ZEB1: variants seen among roughly 807,000 people sequenced by gnomAD.
ZEB1 encodes zinc finger E-box-binding homeobox 1.
In ZEB1, 21 loss-of-function variants were observed where a neutral mutation model predicts 84.9. That is an observed-to-expected ratio of 0.25 (90% CI 0.18 to 0.36). The LOEUF (loss-of-function observed/expected upper bound fraction) is 0.36, where lower values mean the gene tolerates loss of function less well. ZEB1 is among the 10% of genes least tolerant of loss of function. The pLI, the probability that ZEB1 is intolerant of heterozygous loss-of-function variation, is 1.00. For missense variants in ZEB1, 1,104 were observed against 1,330.2 expected (o/e 0.83, Z 2.65); for synonymous variants, 420 against 471.1 (o/e 0.89, Z 1.41).
At chr10:31,321,731 T>C in intron 1 of ZEB1, 1 of 714,460 alleles carries the variant, frequency 1.4e-6, no homozygotes. Flanking sequence ...GTGATATGAA[T>C]ATTACACTCG....
At chr10:31,323,627 A>C (rs2034685594) in intron 1 of ZEB1, among the ~76,000 whole-genome samples, 1 of 151,792 alleles carries the variant, frequency 6.6e-6, no homozygotes, top group Non-Finnish European at 1.5e-5. Flanking sequence ...ATGCAGTAAA[A>C]CTCTGTAGTT....
At chr10:31,319,794 A>G (rs1342595905) in intron 1 of ZEB1, 1 of 149,516 alleles carries the variant, frequency 6.7e-6, no homozygotes, top group Admixed American at 6.6e-5. Context: ...CCCGGCGCTG[A>G]CCGTGCAAAG....
At chr10:31,404,283 G>A (rs555612140) in intron 1 of ZEB1, among the ~76,000 whole-genome samples, 5 of 149,294 alleles carry the variant, frequency 3.3e-5, no homozygotes, top group African/African-American at 1.2e-4. Flanking sequence ...GTTTCTAAAA[G>A]AATAAATGAA....
At chr10:31,402,094 G>T (rs903876682) in intron 1 of ZEB1, among the ~76,000 whole-genome samples, 7 of 150,802 alleles carry the variant, frequency 4.6e-5, no homozygotes, top group South Asian at 2.1e-4. Flanking sequence ...TCAGTATTTT[G>T]TTGTTGTTGT....
chr10:31,517,395 T>C (rs1188015015), intron 6 of ZEB1, among the ~76,000 whole-genome samples: 7 of 152,020 alleles, frequency 4.6e-5, no homozygotes, highest in Non-Finnish European at 1.5e-5. Context: ...AAAGAACACC[T>C]GCATATGGCT....
At chr10:31,432,535 G>A (rs1402526315) in intron 1 of ZEB1, among the ~76,000 whole-genome samples, 1 of 152,178 alleles carries the variant, frequency 6.6e-6, no homozygotes, top group Non-Finnish European at 1.5e-5. Flanking sequence ...GCTGCAATGA[G>A]CTGTGATCAT....
chr10:31,460,567 C>T (rs2137429573), intron 1 of ZEB1, among the ~76,000 whole-genome samples: 1 of 152,040 alleles, frequency 6.6e-6, no homozygotes. Flanking sequence ...GCTGTAGGCT[C>T]GTTATCATTG....
At chr10:31,441,046 G>GA (rs1273731611) in intron 1 of ZEB1, among the ~76,000 whole-genome samples, 1 of 151,868 alleles carries the variant, frequency 6.6e-6, no homozygotes, top group Non-Finnish European at 1.5e-5. Flanking sequence ...CACAGAATTG[G>GA]AAAAAACTAC....
At chr10:31,448,190 T>C (rs1241010754) in intron 1 of ZEB1, among the ~76,000 whole-genome samples, 1 of 139,598 alleles carries the variant, frequency 7.2e-6, no homozygotes, top group Non-Finnish European at 1.5e-5. Context: ...TACCCTTTCT[T>C]CCAGTTGATC....
intron 1 of ZEB1, among the ~76,000 whole-genome samples, chr10:31,394,743 C>A (rs1042849643): frequency 1.3e-5 from 2 of 152,200 alleles, no homozygotes. Flanking sequence ...CCGTCATATG[C>A]ATGTACTACA....
At chr10:31,357,982 G>A (rs1194250932) in intron 1 of ZEB1, among the ~76,000 whole-genome samples, 1 of 152,104 alleles carries the variant, frequency 6.6e-6, no homozygotes. Context: ...GTTCTCATGG[G>A]CAATATAGGT....
intron 1 of ZEB1, among the ~76,000 whole-genome samples, chr10:31,445,350 G>T: frequency 6.7e-6 from 1 of 149,632 alleles, no homozygotes; most frequent in Non-Finnish European, 1.5e-5. Flanking sequence ...ATACAATCAT[G>T]TTGTCTGCAA....
intron 1 of ZEB1, among the ~76,000 whole-genome samples, chr10:31,337,309 G>A (rs2038331029): frequency 6.6e-6 from 1 of 151,994 alleles, no homozygotes; most frequent in African/African-American, 2.4e-5. Flanking sequence ...TTAGGAATGA[G>A]TGAATTTGGA....
chr10:31,420,310 C>T (rs1223029560), intron 1 of ZEB1, among the ~76,000 whole-genome samples: 1 of 152,140 alleles, frequency 6.6e-6, no homozygotes, highest in Non-Finnish European at 1.5e-5. Flanking sequence ...TTAGCTGGCT[C>T]CTCTGCTTAA....
chr10:31,474,918 G>T (rs561671183), intron 2 of ZEB1, among the ~76,000 whole-genome samples: 1 of 151,974 alleles, frequency 6.6e-6, no homozygotes, highest in Admixed American at 6.6e-5. Flanking sequence ...GTAGGGACAT[G>T]GATGAAATTG....
chr10:31,443,718 C>A (rs2059357048), intron 1 of ZEB1, among the ~76,000 whole-genome samples: 1 of 150,412 alleles, frequency 6.6e-6, no homozygotes, highest in South Asian at 2.1e-4. Flanking sequence ...CAATTTCATC[C>A]ATGTCCTTAC....
chr10:31,318,803 C>T (rs1473897823), upstream of ZEB1: 2 of 317,886 alleles, frequency 6.3e-6, no homozygotes, highest in Non-Finnish European at 1.2e-5. Context: ...GCACAGGGTA[C>T]AGGGAGAATC....
chr10:31,410,074 C>T (rs1005572521), intron 1 of ZEB1, among the ~76,000 whole-genome samples: 3 of 152,142 alleles, frequency 2.0e-5, no homozygotes, highest in Non-Finnish European at 4.4e-5. Context: ...AGAGGGCATC[C>T]TTGTCTTGTG....
intron 2 of ZEB1, among the ~76,000 whole-genome samples, chr10:31,461,491 T>C (rs2061807024): frequency 6.6e-6 from 1 of 152,162 alleles, no homozygotes; most frequent in African/African-American, 2.4e-5. Context: ...TTTCCAAATA[T>C]TGTTGATATA....
Sources: allele counts gnomAD v4.1 joint callset (sites outside exome capture counted in the v4.1 genomes callset), GRCh38; gene constraint gnomAD v4.1.1; transcripts MANE v1.5; gene names NCBI Gene and HGNC (gene_info 2026-07-23, HGNC 2026-07-21).